The following CHLSN variants were observed in gnomAD, a reference collection of about 807,000 sequenced individuals.
CHLSN encodes cholesin.
At chr7:983,546 G>A in the CHLSN span, among the ~76,000 whole-genome samples, 1 of 152,172 alleles carries the variant, frequency 6.6e-6, no homozygotes, top group Non-Finnish European at 1.5e-5. Context: ...CTTTTGGGAG[G>A]GGAAAGCCAC....
At chr7:1,016,733 A>G in the CHLSN span, among the ~76,000 whole-genome samples, 154 of 88,980 alleles carry the variant, frequency 1.7e-3, 6 homozygotes, top group African/African-American at 8.8e-3. Context: ...ACACAGCAGC[A>G]CACGCCAGCG....
chr7:1,138,084 G>T, the CHLSN span: 1 of 150,032 alleles, frequency 6.7e-6, no homozygotes, highest in African/African-American at 2.4e-5. Flanking sequence ...GGGCCTCCGC[G>T]CACCCACGTG....
the CHLSN span, among the ~76,000 whole-genome samples, chr7:1,044,909 T>C: frequency 1.1e-4 from 16 of 152,260 alleles, no homozygotes; most frequent in Non-Finnish European, 2.1e-4. Context: ...GGCAGCTGAA[T>C]CTGCTGCTGG....
chr7:1,000,422 C>T, the CHLSN span: 1 of 1,168,818 alleles, frequency 8.6e-7, no homozygotes, highest in Non-Finnish European at 1.2e-6. Flanking sequence ...CCCCGCCGTG[C>T]ACAGACCTCA....
chr7:1,006,424 C>A, the CHLSN span, among the ~76,000 whole-genome samples: 1 of 140,812 alleles, frequency 7.1e-6, no homozygotes, highest in Non-Finnish European at 1.5e-5. Flanking sequence ...AAAGAGCGCA[C>A]GACGGCCACA....
At chr7:1,120,977 A>G in the CHLSN span, among the ~76,000 whole-genome samples, 3 of 152,012 alleles carry the variant, frequency 2.0e-5, no homozygotes, top group Admixed American at 6.6e-5. Context: ...GACAGCCCAT[A>G]AACTATTACT....
the CHLSN span, among the ~76,000 whole-genome samples, chr7:1,064,210 G>A: frequency 1.3e-5 from 2 of 152,158 alleles, no homozygotes; most frequent in South Asian, 2.1e-4. Context: ...CTTCACACGC[G>A]TCGGCTGCAG....
At chr7:1,014,077 A>G in the CHLSN span, among the ~76,000 whole-genome samples, 1 of 152,202 alleles carries the variant, frequency 6.6e-6, no homozygotes, top group East Asian at 1.9e-4. Context: ...TCCACAGGCT[A>G]CCTCAAGCAA....
chr7:1,033,465 G>A, the CHLSN span, among the ~76,000 whole-genome samples: 3,429 of 152,172 alleles, frequency 0.023, 48 homozygotes, highest in Non-Finnish European at 0.029. Flanking sequence ...AGCTGAGGTA[G>A]GAGAATCATT....
At chr7:979,442 C>G in the CHLSN span, among the ~76,000 whole-genome samples, 2 of 152,102 alleles carry the variant, frequency 1.3e-5, no homozygotes, top group African/African-American at 4.8e-5. Flanking sequence ...GATCGTTGAC[C>G]TTATCTTTTT....
the CHLSN span, chr7:1,021,304 G>A: frequency 2.3e-6 from 2 of 881,840 alleles, no homozygotes; most frequent in African/African-American, 3.6e-5. Context: ...GGCACCCATG[G>A]GGCAGGTTTC....
chr7:1,110,299 C>G, the CHLSN span, among the ~76,000 whole-genome samples: 8 of 152,354 alleles, frequency 5.3e-5, no homozygotes, highest in South Asian at 1.7e-3. Context: ...CTGTGAAAAT[C>G]AGGGAGGCAC....
At chr7:1,072,801 A>C in the CHLSN span, among the ~76,000 whole-genome samples, 6 of 149,218 alleles carry the variant, frequency 4.0e-5, no homozygotes, top group East Asian at 1.2e-3. Flanking sequence ...CTCCTGCCTC[A>C]GCCTCCCAAG....
the CHLSN span, among the ~76,000 whole-genome samples, chr7:1,127,883 A>G: frequency 0.047 from 978 of 20,810 alleles, 44 homozygotes; most frequent in East Asian, 0.079. Context: ...GTGCAGTGGC[A>G]CGATCTCGGC....
the CHLSN span, among the ~76,000 whole-genome samples, chr7:1,136,299 C>CATAA: frequency 3.1e-5 from 3 of 96,042 alleles, no homozygotes; most frequent in African/African-American, 4.6e-5. Flanking sequence ...TATATATAAA[C>CATAA]ATATATAAAT....
chr7:1,047,791 G>A, the CHLSN span, among the ~76,000 whole-genome samples: 2 of 152,184 alleles, frequency 1.3e-5, no homozygotes, highest in African/African-American at 4.8e-5. Context: ...CAACTGTCCG[G>A]GGACAATAAG....
chr7:1,136,331 A>AAATATATATAAAT, the CHLSN span, among the ~76,000 whole-genome samples: 3 of 103,062 alleles, frequency 2.9e-5, no homozygotes, highest in Non-Finnish European at 3.5e-5. Context: ...TAAATATATA[A>AAATATATATAAAT]ATATATAAAC....
At chr7:1,004,225 C>T in the CHLSN span, among the ~76,000 whole-genome samples, 1 of 152,134 alleles carries the variant, frequency 6.6e-6, no homozygotes, top group Non-Finnish European at 1.5e-5. Context: ...GAGGTGCACC[C>T]GGGCCAGCCA....
At chr7:1,058,744 A>T in the CHLSN span, 1 of 565,544 alleles carries the variant, frequency 1.8e-6, no homozygotes. Flanking sequence ...GCGTCTCCCA[A>T]ACACGCAGCT....
Sources: gnomAD v4.1 joint callset for allele counts (sites outside exome capture counted in the v4.1 genomes callset) on GRCh38, gnomAD v4.1.1 for gene constraint, MANE v1.5 for transcripts, NCBI Gene and HGNC (gene_info 2026-07-23, HGNC 2026-07-21) for gene names.